Variants in EPG5 observed in about 807,000 individuals in gnomAD.
EPG5 encodes ectopic P-granules 5 autophagy tethering factor.
A neutral mutation model predicts 302.7 loss-of-function variants in EPG5; 159 were observed. That is an observed-to-expected ratio of 0.53 (90% CI 0.46 to 0.60). The LOEUF is 0.60. EPG5 is among the 20% of genes least tolerant of loss of function. The pLI, the probability that EPG5 is intolerant of heterozygous loss-of-function variation, is 0.00. For missense variants in EPG5, 2,896 were observed against 3,092.4 expected (o/e 0.94, Z 1.51); for synonymous variants, 1,158 against 1,136.8 (o/e 1.02, Z -0.37).
chr18:45,817,899 G>A, the EPG5 span, among the ~76,000 whole-genome samples: 1 of 152,198 alleles, frequency 6.6e-6, no homozygotes, highest in Non-Finnish European at 1.5e-5. Flanking sequence ...AAAGAAGGAA[G>A]GAGTATACTT....
At chr18:45,916,655 A>G in intron 17 of EPG5, 73 bp from the exon 18 acceptor site, 1 of 1,444,042 alleles carries the variant, frequency 6.9e-7, no homozygotes, top group African/African-American at 1.4e-5. Flanking sequence ...ATTACTTATG[A>G]GGAAACAGAA....
At chr18:45,832,178 C>T in the EPG5 span, among the ~76,000 whole-genome samples, 18 of 152,214 alleles carry the variant, frequency 1.2e-4, no homozygotes, top group East Asian at 1.9e-4. Flanking sequence ...GCTCTACATA[C>T]GTGGTTTCAT....
intron 25 of EPG5, among the ~76,000 whole-genome samples, chr18:45,903,709 G>A (rs990578738): frequency 6.6e-6 from 1 of 152,136 alleles, no homozygotes; most frequent in African/African-American, 2.4e-5. Context: ...TCAGGAATCT[G>A]ATTCATTTGT....
intron 25 of EPG5, among the ~76,000 whole-genome samples, chr18:45,903,433 A>G (rs1189778555): frequency 1.3e-5 from 2 of 152,194 alleles, no homozygotes; most frequent in African/African-American, 4.8e-5. Context: ...AAGCTGGAAT[A>G]AGAAGGTATT....
At chr18:45,959,658 C>CTAAATAAATAAA (rs34272674) in intron 1 of EPG5, among the ~76,000 whole-genome samples, 38 of 140,970 alleles carry the variant, frequency 2.7e-4, no homozygotes, top group East Asian at 4.2e-4. Flanking sequence ...GAGACTGTCT[C>CTAAATAAATAAA]TAAATAAATA....
chr18:45,811,936 G>GAAAT, the EPG5 span, among the ~76,000 whole-genome samples: 3 of 152,114 alleles, frequency 2.0e-5, no homozygotes, highest in African/African-American at 7.2e-5. Flanking sequence ...GCAGGAGAAA[G>GAAAT]AAATAAAGGG....
intron 40 of EPG5, among the ~76,000 whole-genome samples, chr18:45,859,176 T>G (rs1339147139): frequency 6.6e-6 from 1 of 152,246 alleles, no homozygotes; most frequent in Non-Finnish European, 1.5e-5. Flanking sequence ...TATGAACACT[T>G]ATGCTTTCCG....
chr18:45,816,211 C>T, the EPG5 span, among the ~76,000 whole-genome samples: 2 of 152,234 alleles, frequency 1.3e-5, no homozygotes, highest in East Asian at 3.9e-4. Flanking sequence ...TGGAAAAACT[C>T]GTCTAGACAT....
intron 35 of EPG5, 46 bp downstream of exon 35, chr18:45,876,190 T>C (rs1313398398): frequency 1.5e-6 from 2 of 1,334,002 alleles, no homozygotes; most frequent in Non-Finnish European, 2.2e-6. Flanking sequence ...CTGACTGACT[T>C]AGGGAAAAAT....
the EPG5 span, chr18:45,837,898 C>A: frequency 6.7e-7 from 1 of 1,503,238 alleles, no homozygotes; most frequent in South Asian, 1.3e-5. Flanking sequence ...ACGTGACAGG[C>A]GAGGCGGCGT....
At chr18:45,967,107 G>A (rs965851191) in intron 1 of EPG5, 70 bp downstream of exon 1, 17 of 1,466,454 alleles carry the variant, frequency 1.2e-5, no homozygotes, top group Admixed American at 2.2e-5. Flanking sequence ...ATTGGCTGGG[G>A]AGGCCGAAGA....
At chr18:45,946,536 G>A in intron 7 of EPG5, 127 bp downstream of exon 7, 1 of 683,264 alleles carries the variant, frequency 1.5e-6, no homozygotes, top group East Asian at 2.7e-5. Flanking sequence ...GGAATCATAA[G>A]TCTTTACCTC....
In EPG5 at chr18:45,852,307, C is replaced by T; in HGVS notation, c.*160G>A. 1 of 619,958 alleles carries T rather than the reference C, an allele frequency of 1.6e-6. No homozygotes were observed. Among genetic ancestry groups the T allele is most frequent in the Non-Finnish European group, 2.8e-6 (1 of 360,864 alleles). The allele number at this position is 619,958 out of a possible 1,614,324, so 38.4% of individuals were successfully genotyped here. On this transcript the variant is annotated 3_prime_UTR_variant, in exon 44 of 44. Transcript: ENST00000282041. ...CACACACACACACACACACACACCC[C>T]AAAATTATCTAATATCTAACGCCTC...
intron 9 of EPG5, among the ~76,000 whole-genome samples, chr18:45,941,524 A>C (rs2050667930): frequency 6.6e-6 from 1 of 152,228 alleles, no homozygotes; most frequent in South Asian, 2.1e-4. Flanking sequence ...TATGAGAAGA[A>C]TCTGCACTAG....
chr18:45,927,607 C>T (rs1464127127), intron 13 of EPG5, among the ~76,000 whole-genome samples: 1 of 150,638 alleles, frequency 6.6e-6, no homozygotes, highest in African/African-American at 2.5e-5. Context: ...CACACACACA[C>T]ACACACACAC....
chr18:45,801,568 C>T, the EPG5 span, among the ~76,000 whole-genome samples: 4 of 152,208 alleles, frequency 2.6e-5, no homozygotes, highest in Non-Finnish European at 5.9e-5. Context: ...TGGCACTGAG[C>T]TTAGTGTGCA....
the EPG5 span, chr18:45,840,116 C>T: frequency 1.0e-4 from 144 of 1,422,324 alleles, 1 homozygote; most frequent in East Asian, 2.8e-3. Context: ...GTGGTTTCCT[C>T]GAGACCCCTT....
At chr18:45,839,163 C>T in the EPG5 span, 1 of 1,338,426 alleles carries the variant, frequency 7.5e-7, no homozygotes, top group South Asian at 2.0e-5. Flanking sequence ...TAGATAAGAC[C>T]ACCTGGCTGA....
rs773735885 is a variant in EPG5, at chr18:45,852,599, G to A, written c.7608C>T (p.Tyr2536=). Residue 2536 remains tyrosine (Y), a synonymous_variant, in exon 44 of 44, where the codon TAC becomes TAT. Transcript: ENST00000282041. ...GGGTGGCTTGCAATATTTGATCCTG[G>A]TATTCAACATACTGCTTACTTGATG... ...SMASSKQYVE[Y]QDQILQATQF... is the part of the protein sequence containing the mutation. 3.1e-5 allele frequency: 50 copies of A among 1,614,002 alleles called. No individual in the cohort carries two copies. Among genetic ancestry groups the A allele is most frequent in the Non-Finnish European group, 4.2e-5 (49 of 1,180,026 alleles).
Sources: gnomAD v4.1 joint callset for allele counts (sites outside exome capture counted in the v4.1 genomes callset) on GRCh38, gnomAD v4.1.1 for gene constraint, MANE v1.5 for transcripts, NCBI Gene and HGNC (gene_info 2026-07-23, HGNC 2026-07-21) for gene names.